Variants in ABCC5 observed in about 807,000 individuals in gnomAD.
ABCC5 encodes ATP binding cassette subfamily C member 5.
In ABCC5, 61 loss-of-function variants were observed where a neutral mutation model predicts 160.9. The ratio of observed to expected loss-of-function variants is 0.38; its 90% CI spans 0.31 to 0.47. The LOEUF (loss-of-function observed/expected upper bound fraction) is 0.47, where lower values mean the gene tolerates loss of function less well. Ranked by LOEUF, ABCC5 falls within the 20% of genes least tolerant of loss-of-function variation. ABCC5 has a pLI of 0.99. For missense variants in ABCC5, 1,308 were observed against 1,813.3 expected, an observed-to-expected ratio of 0.72 and a Z score of 5.06; for synonymous variants, 666 against 700.6, an observed-to-expected ratio of 0.95 and a Z score of 0.78.
At chr3:183,962,532 CTTTTTTT>C (rs372339240) in intron 15 of ABCC5, among the ~76,000 whole-genome samples, 4 of 132,996 alleles carry the variant, frequency 3.0e-5, no homozygotes, top group Non-Finnish European at 6.5e-5. Flanking sequence ...CAGTTTTTTT[CTTTTTTT>C]TTTTTTTTTG....
intron 26 of ABCC5, among the ~76,000 whole-genome samples, chr3:183,930,537 C>T (rs866482832): frequency 6.6e-6 from 1 of 152,140 alleles, no homozygotes; most frequent in Non-Finnish European, 1.5e-5. Context: ...TGAGGTCATA[C>T]CAGAGTAATA....
chr3:183,976,124 G>A (rs1718191703), intron 10 of ABCC5, among the ~76,000 whole-genome samples: 1 of 151,844 alleles, frequency 6.6e-6, no homozygotes, highest in South Asian at 2.1e-4. Context: ...GCCACGTTGG[G>A]GTGGGGGAGG....
intron 26 of ABCC5, among the ~76,000 whole-genome samples, chr3:183,929,909 T>C (rs1392879178): frequency 6.6e-6 from 1 of 152,186 alleles, no homozygotes; most frequent in Non-Finnish European, 1.5e-5. Flanking sequence ...TGAGCCACTG[T>C]GCCCGGCCAG....
chr3:184,006,990 GGTACAT>G (rs917525427), intron 2 of ABCC5, among the ~76,000 whole-genome samples: 1 of 148,906 alleles, frequency 6.7e-6, no homozygotes, highest in African/African-American at 2.5e-5. Flanking sequence ...CAGTAATAAT[GGTACAT>G]GAACTTTAGT....
At position 183,949,545 on chromosome 3, in the gene ABCC5, A is replaced by T. The variant is rs186988329; in HGVS notation, c.3227+208T>A. On this transcript the variant is annotated intron_variant, in intron 22 of 29. Coordinates refer to ENST00000334444, the MANE Select transcript of ABCC5 (RefSeq NM_005688.4). This position sits in a 1 kb window ranked among gnomAD's most constrained non-coding sequence, Gnocchi z 4.2. ...AGGCACGTGATGCCGCATGCGGCCC[A>T]AATCTGTATTTCTGTTTTCTCACTT... Among the ~76,000 whole-genome samples, 2 of 152,258 alleles carry T rather than the reference A, an allele frequency of 1.3e-5. No homozygotes were observed. The highest frequency in any genetic ancestry group is 4.8e-5 in the African/African-American group (2 of 41,470).
intron 23 of ABCC5, 84 bp from the exon 24 acceptor site, chr3:183,946,023 G>C (rs1714807734): frequency 7.9e-7 from 1 of 1,259,810 alleles, no homozygotes; most frequent in South Asian, 1.2e-5. Flanking sequence ...TTCATCTAGA[G>C]GACTACTAAG....
chr3:183,935,919 A>T (rs951876958), intron 26 of ABCC5, among the ~76,000 whole-genome samples: 1 of 152,248 alleles, frequency 6.6e-6, no homozygotes, highest in African/African-American at 2.4e-5. Context: ...CAATTACAGA[A>T]ACACCAAAAT....
At chr3:184,016,993 G>T (rs7643273) in intron 1 of ABCC5, among the ~76,000 whole-genome samples, 1 of 152,126 alleles carries the variant, frequency 6.6e-6, no homozygotes, top group African/African-American at 2.4e-5. Flanking sequence ...ACGCTAAAGG[G>T]ATACGTATTT....
At chr3:184,006,687 AACAAT>A (rs1352611688) in intron 2 of ABCC5, among the ~76,000 whole-genome samples, 1 of 152,178 alleles carries the variant, frequency 6.6e-6, no homozygotes, top group East Asian at 1.9e-4. Flanking sequence ...TTTCTTTCCT[AACAAT>A]ACATCTTCGA....
chr3:183,967,694 C>A lies in ABCC5; in HGVS notation c.1833+1G>T. On this transcript the variant is annotated splice_donor_variant, in intron 12 of 29. Coordinates refer to ENST00000334444, the MANE Select transcript of ABCC5 (RefSeq NM_005688.4). LOFTEE classifies it high-confidence loss of function. ...GAAAAGGACAATAACAAAAATCTTA[C>A]CTGGCCTAAAATGGCTGAAATGAGA... The A allele has an allele frequency of 2.5e-6, 4 of 1,612,590 alleles. No homozygotes were observed. Among genetic ancestry groups the A allele is most frequent in the Non-Finnish European group, 3.4e-6 (4 of 1,178,666 alleles).
In ABCC5 at chr3:183,942,782, T is replaced by C; in HGVS notation, c.3639A>G (p.Val1213=). Residue 1213 remains valine, a synonymous_variant, in exon 25 of 30, where the codon GTA becomes GTG. Coordinates refer to ENST00000334444, the MANE Select transcript of ABCC5 (RefSeq NM_005688.4). ...TCTCTTTAGGTTTGATCGTGAAGGA[T>C]ACTTTCTTTAGGACGAGAGGGAGGT... ...RENLPLVLKK[V]SFTIKPKEKI... The C allele has an allele frequency of 1.2e-6, 2 of 1,614,198 alleles. No homozygotes were observed. Among genetic ancestry groups the C allele is most frequent in the Non-Finnish European group, 1.7e-6 (2 of 1,180,018 alleles).
chr3:183,948,665 G>T (rs548959960), intron 22 of ABCC5, among the ~76,000 whole-genome samples: 9 of 151,750 alleles, frequency 5.9e-5, no homozygotes, highest in African/African-American at 2.2e-4. Flanking sequence ...GCAACTAACA[G>T]GTTTTTTTTT....
intron 2 of ABCC5, chr3:184,006,309 A>T (rs2108911218): frequency 6.6e-6 from 1 of 152,164 alleles, no homozygotes; most frequent in Non-Finnish European, 1.5e-5. Flanking sequence ...AGAAAAAAAA[A>T]AAAAAAAAAA....
chr3:183,975,342 C>T (rs1256551130), intron 10 of ABCC5, among the ~76,000 whole-genome samples: 1 of 151,958 alleles, frequency 6.6e-6, no homozygotes, highest in Non-Finnish European at 1.5e-5. Flanking sequence ...AATAAACACT[C>T]GTTATCTTTT....
chr3:183,943,110 T>C (rs1714521426), intron 24 of ABCC5, among the ~76,000 whole-genome samples, 194 bp from the exon 25 acceptor site: 1 of 152,160 alleles, frequency 6.6e-6, no homozygotes, highest in South Asian at 2.1e-4. Flanking sequence ...CAGAGCACAA[T>C]GGCTAAGTGT....
chr3:183,950,071 A>G lies in ABCC5; in HGVS notation c.2999T>C (p.Val1000Ala). The change falls in exon 21 of 30, where the codon GTG (valine) becomes GCG (alanine). Residue 1000 changes from valine to alanine, a missense_variant. Coordinates refer to ENST00000334444, the MANE Select transcript of ABCC5 (RefSeq NM_005688.4). ...TGCGATCATTCCCACACAGAAGAAC[A>G]CCAGGATAACGTTCTGGATGAACAT... ...AEMFIQNVIL[V>A]FFCVGMIAGV... The G allele has an allele frequency of 6.2e-7, 1 of 1,614,122 alleles. No individual in the cohort carries two copies. Among genetic ancestry groups the G allele is most frequent in the Non-Finnish European group, 8.5e-7 (1 of 1,180,026 alleles).
At position 184,014,380 on chromosome 3, in the gene ABCC5, C is replaced by T. The variant is rs781461232; in HGVS notation, c.13G>A (p.Asp5Asn). The T allele has an allele frequency of 5.0e-6, 8 of 1,612,602 alleles. No individual in the cohort carries two copies. Among genetic ancestry groups the T allele is most frequent in the Admixed American group, 1.7e-5 (1 of 59,796 alleles). Reference protein sequence around the residue: MKDIDIGKEYIIPSP... With the variant: MKDINIGKEYIIPSP... ...GGGATGATATACTCTTTTCCTATGT[C>T]GATATCCTTCATCTTCTCTGAGTGG... The change falls in exon 2 of 30, where the codon GAC becomes AAC. Residue 5 changes from aspartate to asparagine, a missense_variant. Asp to Asn is a conservative substitution (Grantham distance 23). This residue lies in a region of ABCC5 where 1,142 missense variants were observed against 1,527.1 expected (regional missense o/e 0.75). Coordinates refer to ENST00000334444, the MANE Select transcript of ABCC5 (RefSeq NM_005688.4).
rs1022784402 is a variant in ABCC5 at position 183,921,099 on chromosome 3, T to C, written c.*201A>G. On this transcript the variant is annotated 3_prime_UTR_variant, in exon 30 of 30. Transcript: ENST00000334444. The surrounding 1 kb of genome is among the most constrained non-coding windows in gnomAD (Gnocchi z 4.1). ...GCAATTAAGAACAAAAACTAAATTT[T>C]GTTTACATGAATATGGAATAAATAC... 1.8e-5 allele frequency: 8 copies of C among 443,834 alleles called. No homozygotes were observed. The highest frequency in any genetic ancestry group is 1.6e-4 in the African/African-American group (8 of 49,310). The allele number at this position is 443,834 out of a possible 1,614,324, so 27.5% of individuals were successfully genotyped here. A position where few individuals can be genotyped will look rare whatever the true frequency, so the allele number is the denominator to read the frequency against.
intron 7 of ABCC5, 121 bp from the exon 8 acceptor site, chr3:183,981,995 A>C: frequency 1.2e-5 from 12 of 996,844 alleles, no homozygotes; most frequent in Non-Finnish European, 1.6e-5. Context: ...GATGGGCCAA[A>C]TGTTATGTAA....
Sources: gnomAD v4.1 joint callset for allele counts (sites outside exome capture counted in the v4.1 genomes callset) on GRCh38, gnomAD v4.1.1 for gene constraint, gnomAD v4.1.1 regional missense constraint, Gnocchi (gnomAD v3.1) non-coding constraint, MANE v1.5 for transcripts, NCBI Gene and HGNC (gene_info 2026-07-23, HGNC 2026-07-21) for gene names.